The following CKAP2L variants were observed in gnomAD, a reference collection of about 807,000 sequenced individuals.
CKAP2L encodes the protein cytoskeleton associated protein 2L, also known as cytoskeleton-associated protein 2-like.
A neutral mutation model predicts 65.7 loss-of-function variants in CKAP2L; 42 were observed. The observed-to-expected ratio is 0.64, with a 90% CI of 0.50 to 0.83. CKAP2L has a LOEUF of 0.83. Among genes scored for constraint, CKAP2L ranks in the 40% least tolerant of loss-of-function variants. The pLI is 0.00. For synonymous variants in CKAP2L, 325 were observed against 313.5 expected, an observed-to-expected ratio of 1.04 and a Z score of -0.39; for missense variants, 908 against 871.0, an observed-to-expected ratio of 1.04 and a Z score of -0.53.
rs1680693474 is a variant in CKAP2L, at chr2:112,760,756, A to T, written c.113T>A (p.Leu38Gln). ...ATTCTGGCAATTATTCTTGGATTTT[A>T]GATAAGGCCTATAAAAGACAAATTA... ...KLKSQNTKPY[L>Q]KSKNNCQNQP... The change falls in exon 3 of 9, where the codon CTA becomes CAA. Residue 38 changes from leucine (L) to glutamine (Q), a missense_variant. Leu to Gln is a moderately radical substitution (Grantham distance 113). Coordinates refer to ENST00000302450, the MANE Select transcript of CKAP2L (RefSeq NM_152515.5). 6.0e-6 allele frequency: 9 copies of T among 1,502,784 alleles called. No homozygotes were observed. The highest frequency in any genetic ancestry group is 8.2e-6 in the Non-Finnish European group (9 of 1,091,620). 93.1% of individuals were successfully genotyped at this position (1,502,784 alleles called of 1,614,324 possible). A position where few individuals can be genotyped will look rare whatever the true frequency, so the allele number is the denominator to read the frequency against.
chr2:112,756,569 C>T lies in CKAP2L; in HGVS notation c.802G>A (p.Ala268Thr). Residue 268 changes from alanine (A) to threonine (T), a missense_variant, in exon 4 of 9, where the codon GCA becomes ACA. Physicochemically the swap from Ala to Thr is moderately conservative, Grantham distance 58. Coordinates refer to ENST00000302450, the MANE Select transcript of CKAP2L (RefSeq NM_152515.5). ...CTTGAGGGTTTTACTCCTGGTCTTGCAAGATCTGCTCCTCTAGAGAGTTGC... is the reference window on the plus strand; with the variant it reads ...CTTGAGGGTTTTACTCCTGGTCTTGTAAGATCTGCTCCTCTAGAGAGTTGC... Reference protein sequence around the residue: ...SQQLSRGADLARPGVKPSRTV... With the variant: ...SQQLSRGADLTRPGVKPSRTV... 3 of 1,612,452 alleles carry T rather than the reference C, an allele frequency of 1.9e-6. No individual in the cohort carries two copies. Among genetic ancestry groups the T allele is most frequent in the Non-Finnish European group, 2.5e-6 (3 of 1,179,464 alleles).
Position 112,756,126 on chromosome 2 carries a change from T to C in CKAP2L, c.1245A>G (p.Ala415=). 1 of 1,614,222 alleles carries C rather than the reference T, an allele frequency of 6.2e-7. No homozygotes were observed. The highest frequency in any genetic ancestry group is 1.6e-4 in the Middle Eastern group (1 of 6,062). ...KHNNNGFQQK[A]QTLDSKLKKA... ...TTTTCAACTTGGAGTCCAAAGTCTG[T>C]GCTTTTTGCTGAAAGCCATTATTGT... Residue 415 remains alanine, a synonymous_variant, in exon 4 of 9, where the codon GCA becomes GCG. Coordinates refer to ENST00000302450, the MANE Select transcript of CKAP2L (RefSeq NM_152515.5).
At position 112,764,562 on chromosome 2, in the gene CKAP2L, C is replaced by A; in HGVS notation, c.37G>T (p.Glu13Ter). ...TAACGGGAACAGCGGTCGTACTCAC[C>A]GACAGCGGCAGCAGCGGTAGGCCCG... ...GPGPTAAAAV[E>*]ERQRKLQEYL... The change falls in exon 1 of 9, where the codon GAA becomes TAA. Residue 13 changes from glutamate to a stop codon, truncating the protein, a stop_gained and splice_region_variant. Coordinates refer to ENST00000302450, the MANE Select transcript of CKAP2L (RefSeq NM_152515.5). LOFTEE classifies it high-confidence loss of function. 2 of 1,614,146 alleles carry A rather than the reference C, an allele frequency of 1.2e-6. No homozygotes were observed. The highest frequency in any genetic ancestry group is 1.7e-6 in the Non-Finnish European group (2 of 1,179,976).
At chr2:112,760,668 C>A (rs755116547) in intron 3 of CKAP2L, 45 bp downstream of exon 3, 1 of 911,598 alleles carries the variant, frequency 1.1e-6, no homozygotes, top group Middle Eastern at 2.2e-4. Flanking sequence ...TATTACTAAT[C>A]ATACTTATGA....
At position 112,737,928 on chromosome 2, in the gene CKAP2L, A is replaced by C. The variant is rs1305089584; in HGVS notation, c.*895T>G. On this transcript the variant is annotated 3_prime_UTR_variant, in exon 9 of 9. Coordinates refer to ENST00000302450, the MANE Select transcript of CKAP2L (RefSeq NM_152515.5). Reference sequence around the variant, plus strand: ...ATACTTAAATATTAAGAAAGCTAAAATTTAAAATGTGTTGACTAGGTTTTT... The same window carrying C: ...ATACTTAAATATTAAGAAAGCTAAACTTTAAAATGTGTTGACTAGGTTTTT... 1 of 152,186 alleles carries C rather than the reference A, an allele frequency of 6.6e-6. No homozygotes were observed. The highest frequency in any genetic ancestry group is 1.5e-5 in the Non-Finnish European group (1 of 68,040). 9.4% of individuals were successfully genotyped at this position (152,186 alleles called of 1,614,324 possible).
intron 3 of CKAP2L, among the ~76,000 whole-genome samples, chr2:112,759,037 A>G (rs931078092): frequency 2.0e-5 from 3 of 152,230 alleles, no homozygotes; most frequent in Non-Finnish European, 2.9e-5. Flanking sequence ...TTCACTTAGC[A>G]TAACGTTTTC....
Position 112,746,403 on chromosome 2 carries a change from C to A in CKAP2L, c.1758+17G>T. On this transcript the variant is annotated intron_variant, in intron 6 of 8. Transcript: ENST00000302450. ...AAGAGAATTTTAAGAAGTTACCCAC[C>A]CAAGACAGATACTCACTGTTGCCCC... 1 of 1,596,676 alleles carries A rather than the reference C, an allele frequency of 6.3e-7. No individual in the cohort carries two copies.
chr2:112,761,315 G>T (rs1680713069), intron 2 of CKAP2L, among the ~76,000 whole-genome samples: 1 of 151,862 alleles, frequency 6.6e-6, no homozygotes, highest in Non-Finnish European at 1.5e-5. Context: ...AAAAAAATTA[G>T]CTGGGCATGG....
At chr2:112,741,253 T>C (rs1307694316) in intron 7 of CKAP2L, among the ~76,000 whole-genome samples, 1 of 152,134 alleles carries the variant, frequency 6.6e-6, no homozygotes, top group Non-Finnish European at 1.5e-5. Context: ...ACGTAGATTC[T>C]TGACACCCTT....
chr2:112,752,232 G>C, intron 5 of CKAP2L, 35 bp downstream of exon 5: 1 of 1,491,274 alleles, frequency 6.7e-7, no homozygotes, highest in Non-Finnish European at 9.2e-7. Flanking sequence ...TAAGACTTTG[G>C]GCCAAAGCTG....
At position 112,757,078 on chromosome 2, in the gene CKAP2L, A is replaced by T. The variant is rs1680564185; in HGVS notation, c.293T>A (p.Leu98His). Residue 98 changes from leucine (L) to histidine (H), a missense_variant, in exon 4 of 9, where the codon CTT becomes CAT. Coordinates refer to ENST00000302450, the MANE Select transcript of CKAP2L (RefSeq NM_152515.5). ...TTCTGAAGTCAGCCTTTTGCCCAGA[A>T]GTTTTGGTGGCTCCAACTTCGGCTT... is the stretch of plus-strand genomic sequence containing the variant. ...SQKPKLEPPK[L>H]LGKRLTSECV... 4.3e-6 allele frequency: 7 copies of T among 1,614,038 alleles called. No homozygotes were observed. Among genetic ancestry groups the T allele is most frequent in the Non-Finnish European group, 5.1e-6 (6 of 1,180,030 alleles).
chr2:112,739,006 A>T lies in CKAP2L; in HGVS notation c.2055T>A (p.Thr685=), dbSNP rs1203181310. The change falls in exon 9 of 9, where the codon ACT becomes ACA. Residue 685 remains threonine, a synonymous_variant. Transcript: ENST00000302450. ...MPEVQDMKFI[T]PVRRSSRIER... ...CAATCCTCGACGAACGCCGTACAGG[A>T]GTGATAAATTTCATGTCTTGCACTT... 2.5e-6 allele frequency: 4 copies of T among 1,614,196 alleles called. No individual in the cohort carries two copies. The South Asian group carries it at 4.4e-5, about 18-fold the overall frequency.
chr2:112,756,098 C>G lies in CKAP2L; in HGVS notation c.1273G>C (p.Ala425Pro), dbSNP rs1399830874. ...AQTLDSKLKK[A>P]VPQNHFLNKT... ...TTCAGAAAATGGTTCTGGGGAACAGCCTTTTTCAACTTGGAGTCCAAAGTC... is the reference window on the plus strand; with the variant it reads ...TTCAGAAAATGGTTCTGGGGAACAGGCTTTTTCAACTTGGAGTCCAAAGTC... Residue 425 changes from alanine (A) to proline (P), a missense_variant, in exon 4 of 9, where the codon GCT becomes CCT. Coordinates refer to ENST00000302450, the MANE Select transcript of CKAP2L (RefSeq NM_152515.5). The G allele has an allele frequency of 3.1e-6, 5 of 1,614,128 alleles. No individual in the cohort carries two copies. Among genetic ancestry groups the G allele is most frequent in the East Asian group, 2.2e-5 (1 of 44,882 alleles).
chr2:112,756,828 T>A lies in CKAP2L; in HGVS notation c.543A>T (p.Lys181Asn), dbSNP rs774551453. 6.2e-7 allele frequency: 1 copy of A among 1,601,476 alleles called. No homozygotes were observed. Among genetic ancestry groups the A allele is most frequent in the South Asian group, 1.1e-5 (1 of 88,352 alleles). Residue 181 changes from lysine to asparagine, a missense_variant, in exon 4 of 9, where the codon AAA (lysine) becomes AAT (asparagine). Transcript: ENST00000302450. ...CGAGCAAGTTCTCTTTGTTTGTTTC[T>A]TTTAGAAAGTTATCCAAAGATTCGT... ...VENESLDNFL[K>N]ETNKENLLDI...
chr2:112,741,324 T>C (rs770237101), intron 7 of CKAP2L, among the ~76,000 whole-genome samples: 15 of 152,172 alleles, frequency 9.9e-5, no homozygotes, highest in Non-Finnish European at 2.1e-4. Flanking sequence ...TCTTAGGGAC[T>C]AATCACTGGC....
At chr2:112,744,050 A>G (rs1680120653) in intron 6 of CKAP2L, among the ~76,000 whole-genome samples, 1 of 152,252 alleles carries the variant, frequency 6.6e-6, no homozygotes, top group Non-Finnish European at 1.5e-5. Context: ...AAATAGAATT[A>G]TGATTTCAGC....
Position 112,760,761 on chromosome 2 carries a change from A to C in CKAP2L, c.108T>G (p.Pro36=). Residue 36 remains proline (P), a synonymous_variant, in exon 3 of 9, where the codon CCT becomes CCG. Transcript: ENST00000302450. ...GGCAATTATTCTTGGATTTTAGATA[A>C]GGCCTATAAAAGACAAATTAAAATT... ...KGKLKSQNTK[P]YLKSKNNCQN... The C allele has an allele frequency of 6.7e-7, 1 of 1,491,516 alleles. No individual in the cohort carries two copies. Among genetic ancestry groups the C allele is most frequent in the Non-Finnish European group, 9.2e-7 (1 of 1,082,982 alleles). The allele number at this position is 1,491,516 out of a possible 1,614,324, so 92.4% of individuals were successfully genotyped here. A position where few individuals can be genotyped will look rare whatever the true frequency, so the allele number is the denominator to read the frequency against.
intron 8 of CKAP2L, among the ~76,000 whole-genome samples, 187 bp downstream of exon 8, chr2:112,740,631 A>C (rs551792727): frequency 6.6e-6 from 1 of 152,260 alleles, no homozygotes; most frequent in East Asian, 1.9e-4. Context: ...GTGCAGGACA[A>C]ATGAGAGTGA....
intron 6 of CKAP2L, among the ~76,000 whole-genome samples, chr2:112,744,080 G>C (rs1339809659): frequency 6.6e-6 from 1 of 152,176 alleles, no homozygotes; most frequent in African/African-American, 2.4e-5. Flanking sequence ...GGGAATAAAT[G>C]TATAGAATAT....
Sources: gnomAD v4.1 joint callset for allele counts (sites outside exome capture counted in the v4.1 genomes callset) on GRCh38, gnomAD v4.1.1 for gene constraint, MANE v1.5 for transcripts, NCBI Gene and HGNC (gene_info 2026-07-23, HGNC 2026-07-21) for gene names.